Variants in C1orf198 observed in about 807,000 individuals in gnomAD.
C1orf198 encodes the protein uncharacterized protein C1orf198.
A neutral mutation model predicts 31.4 loss-of-function variants in C1orf198; 17 were observed. The ratio of observed to expected loss-of-function variants is 0.54; its 90% CI spans 0.37 to 0.81. C1orf198 has a LOEUF of 0.81. C1orf198 is among the 40% of genes least tolerant of loss of function. The pLI, the probability that C1orf198 is intolerant of heterozygous loss-of-function variation, is 0.00. For missense variants in C1orf198, 401 were observed against 450.3 expected (o/e 0.89, Z 0.99); for synonymous variants, 175 against 193.8 (o/e 0.90, Z 0.81).
rs997875828 is a variant in C1orf198 at position 230,864,685 on chromosome 1, G to A, written c.333+3495C>T. On this transcript the variant is annotated intron_variant, in intron 1 of 3. Transcript: ENST00000366663. Reference sequence around the variant, plus strand: ...AGATGGAAGAGGCAAGTAGGTCCACGCGAACAAGACGCACCAGCTGCCAAA... The same window carrying A: ...AGATGGAAGAGGCAAGTAGGTCCACACGAACAAGACGCACCAGCTGCCAAA... Among the ~76,000 whole-genome samples the A allele has an allele frequency of 4.6e-5, 7 of 152,116 alleles. No individual in the cohort carries two copies. The South Asian group carries it at 6.2e-4, about 14-fold the overall frequency.
chr1:230,868,183 G>A lies in C1orf198; in HGVS notation c.330C>T (p.Asp110=). The A allele has an allele frequency of 2.7e-6, 4 of 1,471,086 alleles. No homozygotes were observed. Among genetic ancestry groups the A allele is most frequent in the Non-Finnish European group, 3.6e-6 (4 of 1,110,968 alleles). 91.1% of individuals were successfully genotyped at this position (1,471,086 alleles called of 1,614,324 possible). Residue 110 remains aspartate, a synonymous_variant, in exon 1 of 4, where the codon GAC becomes GAT. Coordinates refer to ENST00000366663, the MANE Select transcript of C1orf198 (RefSeq NM_032800.3). ...PTGQKVVRFG[D]EDLTWQDEHS... ...CCGCGGCCAGGCCCGCACCTACCTC[G>A]TCCCCGAAGCGCACCACCTTCTGGC... is the stretch of plus-strand genomic sequence containing the variant.
Position 230,843,151 on chromosome 1 carries a change from G to A in C1orf198, c.927+203C>T, listed in dbSNP as rs1353345623. On this transcript the variant is annotated intron_variant, in intron 3 of 3. Coordinates refer to ENST00000366663, the MANE Select transcript of C1orf198 (RefSeq NM_032800.3). The surrounding 1 kb of genome is among the most constrained non-coding windows in gnomAD (Gnocchi z 4.9). Reference sequence around the variant, plus strand: ...ACTGGTAAACAAATTAGGGCACCCAGATGGACTCGCAAAACTTGTCTTGTT... The same window carrying A: ...ACTGGTAAACAAATTAGGGCACCCAAATGGACTCGCAAAACTTGTCTTGTT... Among the ~76,000 whole-genome samples, 2 of 152,234 alleles carry A rather than the reference G, an allele frequency of 1.3e-5. No homozygotes were observed.
At chr1:230,852,351 G>T (rs556899433) in intron 2 of C1orf198, among the ~76,000 whole-genome samples, 1 of 152,166 alleles carries the variant, frequency 6.6e-6, no homozygotes, top group East Asian at 1.9e-4. Flanking sequence ...AAAAATCAAT[G>T]AATGATTTCA....
chr1:230,853,517 G>A (rs1669796572), intron 2 of C1orf198, among the ~76,000 whole-genome samples: 1 of 152,146 alleles, frequency 6.6e-6, no homozygotes, highest in African/African-American at 2.4e-5. Flanking sequence ...AGTGAAGAAG[G>A]AGGAAGGGAC....
chr1:230,851,456 C>A (rs1352775885), intron 2 of C1orf198, among the ~76,000 whole-genome samples: 2 of 152,206 alleles, frequency 1.3e-5, no homozygotes, highest in African/African-American at 4.8e-5. Flanking sequence ...GCCCAGACCG[C>A]CTGGGGAATG....
chr1:230,837,120 A>ATT lies in C1orf198; in HGVS notation c.*2731_*2732insAA, dbSNP rs1289503627. ...GCAGAGGCCCATCACAGACACAAAT[A>ATT]GCATTTTTTAAATGGCTTTATTAAA... On this transcript the variant is annotated 3_prime_UTR_variant, in exon 4 of 4. Transcript: ENST00000366663. 2.6e-5 allele frequency: 4 copies of ATT among 152,688 alleles called. No individual in the cohort carries two copies. In the East Asian group the frequency reaches 7.7e-4, roughly 29 times the overall value. The allele number at this position is 152,688 out of a possible 1,614,324, so 9.5% of individuals were successfully genotyped here.
upstream of C1orf198, chr1:230,868,663 GC>G: frequency 1.9e-6 from 1 of 517,388 alleles, no homozygotes; most frequent in Non-Finnish European, 2.5e-6. Context: ...AGCTCCCCAA[GC>G]CCCGGGACCC....
chr1:230,852,052 G>A (rs1669760867), intron 2 of C1orf198, among the ~76,000 whole-genome samples: 2 of 152,246 alleles, frequency 1.3e-5, no homozygotes, highest in Admixed American at 6.5e-5. Context: ...AGAAGTCAGA[G>A]CTGGGCACTC....
chr1:230,858,017 A>T (rs1200271216), intron 1 of C1orf198, among the ~76,000 whole-genome samples: 1 of 152,192 alleles, frequency 6.6e-6, no homozygotes, highest in African/African-American at 2.4e-5. Flanking sequence ...AATGAGAGGA[A>T]CCACTGCCTT....
chr1:230,845,174 G>C (rs1669553857), intron 2 of C1orf198, among the ~76,000 whole-genome samples: 1 of 149,190 alleles, frequency 6.7e-6, no homozygotes, highest in South Asian at 2.1e-4. Context: ...GACCAGCCTG[G>C]GCAACAAGTG....
rs747362289 is a variant in C1orf198, at chr1:230,838,932, C to T, written c.*920G>A. ...GGCTAGCCCTTGGGATAAAGAATGCCCACTGCTCCCATCAGTCCCATGCTG... is the reference window on the plus strand; with the variant it reads ...GGCTAGCCCTTGGGATAAAGAATGCTCACTGCTCCCATCAGTCCCATGCTG... On this transcript the variant is annotated 3_prime_UTR_variant, in exon 4 of 4. Coordinates refer to ENST00000366663, the MANE Select transcript of C1orf198 (RefSeq NM_032800.3). This position sits in a 1 kb window ranked among gnomAD's most constrained non-coding sequence, Gnocchi z 4.2. 1.3e-5 allele frequency: 2 copies of T among 152,408 alleles called. No individual in the cohort carries two copies. The highest frequency in any genetic ancestry group is 2.9e-5 in the Non-Finnish European group (2 of 68,130). The allele number at this position is 152,408 out of a possible 1,614,324, so 9.4% of individuals were successfully genotyped here. A position where few individuals can be genotyped will look rare whatever the true frequency, so the allele number is the denominator to read the frequency against.
Position 230,868,471 on chromosome 1 carries a change from C to T in C1orf198, c.42G>A (p.Ala14=). Residue 14 remains alanine, a synonymous_variant, in exon 1 of 4, where the codon GCG becomes GCA. Transcript: ENST00000366663. ...CCAGAGGCCGGTTCCCGCTCATGAC[C>T]GCCGAGCGCGAAGCCGCGATCGCCG... The part of the protein sequence containing the change: ...MAAAIAASRS[A]VMSGNRPLDD... 3.3e-6 allele frequency: 5 copies of T among 1,516,900 alleles called. No individual in the cohort carries two copies. Among genetic ancestry groups the T allele is most frequent in the Non-Finnish European group, 4.4e-6 (5 of 1,125,886 alleles). 94.0% of individuals were successfully genotyped at this position (1,516,900 alleles called of 1,614,324 possible). A position where few individuals can be genotyped will look rare whatever the true frequency, so the allele number is the denominator to read the frequency against.
intron 3 of C1orf198, among the ~76,000 whole-genome samples, chr1:230,842,611 G>C (rs2102972037): frequency 1.3e-5 from 2 of 151,988 alleles, no homozygotes; most frequent in East Asian, 3.9e-4. Context: ...AGGTGGGTGA[G>C]GGATAAAAAA....
Position 230,855,659 on chromosome 1 carries a change from C to G in C1orf198, c.384+9G>C. ...AAGAACAAATAGATCTAAATTTAAT[C>G]CAACTTACCTTTGTTTCCCAGGAGA... On this transcript the variant is annotated intron_variant, in intron 2 of 3. Coordinates refer to ENST00000366663, the MANE Select transcript of C1orf198 (RefSeq NM_032800.3). 1.2e-6 allele frequency: 2 copies of G among 1,610,668 alleles called. No individual in the cohort carries two copies. The highest frequency in any genetic ancestry group is 1.7e-6 in the Non-Finnish European group (2 of 1,178,182).
At position 230,843,559 on chromosome 1, in the gene C1orf198, T is replaced by G. The variant is rs766217041; in HGVS notation, c.722A>C (p.Lys241Thr). The G allele has an allele frequency of 1.2e-6, 2 of 1,613,728 alleles. No homozygotes were observed. Among genetic ancestry groups the G allele is most frequent in the Non-Finnish European group, 1.7e-6 (2 of 1,179,768 alleles). ...ACGGAGGGTGCTGGGCCTTTCCACC[T>G]TGGCCTCCCTGTCCTTCGGGGCAGG... ...QEPAPKDREAKVERPSTLRQE... is the reference protein window; with the variant it reads ...QEPAPKDREATVERPSTLRQE... Residue 241 changes from lysine (K) to threonine (T), a missense_variant, in exon 3 of 4, where the codon AAG (lysine) becomes ACG (threonine). Transcript: ENST00000366663. This position sits in a 1 kb window ranked among gnomAD's most constrained non-coding sequence, Gnocchi z 4.9.
In C1orf198 at chr1:230,843,391, C is replaced by T; in HGVS notation, c.890G>A (p.Gly297Glu). 1 of 1,562,442 alleles carries T rather than the reference C, an allele frequency of 6.4e-7. No homozygotes were observed. Among genetic ancestry groups the T allele is most frequent in the Non-Finnish European group, 8.7e-7 (1 of 1,152,972 alleles). ...LPSPDVRQDD[G>E]EDTLFSEPKF... ...GGGTTCCGAGAACAGGGTGTCTTCC[C>T]CATCGTCCTGCCTGACATCAGGAGA... The change falls in exon 3 of 4, where the codon GGG becomes GAG. Residue 297 changes from glycine to glutamate, a missense_variant. Physicochemically the swap from Gly to Glu is moderately conservative, Grantham distance 98. Transcript: ENST00000366663. The surrounding 1 kb of genome is among the most constrained non-coding windows in gnomAD (Gnocchi z 4.9).
intron 1 of C1orf198, chr1:230,855,952 C>T (rs1669859828): frequency 7.6e-6 from 10 of 1,315,796 alleles, no homozygotes; most frequent in Non-Finnish European, 8.7e-6. Context: ...AAACAGACAA[C>T]AGGGAATGCC....
intron 1 of C1orf198, among the ~76,000 whole-genome samples, chr1:230,862,402 G>A (rs780005622): frequency 1.3e-5 from 2 of 152,066 alleles, no homozygotes; most frequent in South Asian, 2.1e-4. Flanking sequence ...GAAGACTTAC[G>A]TCCACACAAA....
rs758911473 is a variant in C1orf198 at position 230,843,666 on chromosome 1, G to C, written c.615C>G (p.Ala205=). The change falls in exon 3 of 4, where the codon GCC becomes GCG. Residue 205 remains alanine (A), a synonymous_variant. Transcript: ENST00000366663. This position sits in a 1 kb window ranked among gnomAD's most constrained non-coding sequence, Gnocchi z 4.9. ...GGCTAGGGGTCAGCGACTGGAACTC[G>C]GCCTCAGGCCCCTCCCCTCGGGACC... ...AERSRGEGPE[A]EFQSLTPSQI... 5 of 1,614,054 alleles carry C rather than the reference G, an allele frequency of 3.1e-6. No individual in the cohort carries two copies. In the African/African-American group the frequency reaches 4.0e-5, roughly 13 times the overall value.
Sources: allele counts gnomAD v4.1 joint callset (sites outside exome capture counted in the v4.1 genomes callset), GRCh38; gene constraint gnomAD v4.1.1; non-coding constraint Gnocchi (gnomAD v3.1); transcripts MANE v1.5; gene names NCBI Gene and HGNC (gene_info 2026-07-23, HGNC 2026-07-21).